The following WDR62 variants were observed in gnomAD, a reference collection of about 807,000 sequenced individuals.
WDR62 encodes the protein WD repeat domain 62, also known as WD repeat-containing protein 62.
In WDR62, 112 loss-of-function variants were observed where a neutral mutation model predicts 160.6. The observed-to-expected ratio is 0.70, with a 90% CI of 0.60 to 0.82. The LOEUF is 0.82. WDR62 is among the 40% of genes least tolerant of loss of function. WDR62 has a pLI of 0.00. For synonymous variants in WDR62, 792 were observed against 815.1 expected (o/e 0.97, Z 0.48); for missense variants, 1,819 against 1,983.8 (o/e 0.92, Z 1.58).
chr19:36,060,050 CG>C lies in WDR62; in HGVS notation c.332+24del, dbSNP rs1758979380. 23 of 1,613,994 alleles carry C rather than the reference CG, an allele frequency of 1.4e-5. No homozygotes were observed. The highest frequency in any genetic ancestry group is 1.9e-5 in the Non-Finnish European group (23 of 1,179,886). ...CGCCAGGTAGGCTGAGGCCTGGGCC[CG>C]GGGCAGGGGTGGAACCAGGGGCTTG... is the stretch of plus-strand genomic sequence containing the variant. On this transcript the variant is annotated intron_variant, in intron 3 of 31. Transcript: ENST00000401500.
Position 36,073,462 on chromosome 19 carries a change from C to T in WDR62, c.1164C>T (p.Val388=), listed in dbSNP as rs757185729. ...YKDHSIYIWD[V]KDINRVGKVW... ...ACCACAGCATCTACATCTGGGATGT[C>T]AAGGACATCAACAGAGTGGGCAAGG... Residue 388 remains valine (V), a synonymous_variant, in exon 9 of 32, where the codon GTC becomes GTT. Coordinates refer to ENST00000401500, the MANE Select transcript of WDR62 (RefSeq NM_001083961.2). 1 of 1,614,104 alleles carries T rather than the reference C, an allele frequency of 6.2e-7. No individual in the cohort carries two copies. Among genetic ancestry groups the T allele is most frequent in the East Asian group, 2.2e-5 (1 of 44,874 alleles).
intron 26 of WDR62, 113 bp downstream of exon 26, chr19:36,102,264 C>T: frequency 6.7e-7 from 1 of 1,496,398 alleles, no homozygotes; most frequent in Middle Eastern, 1.8e-4. Context: ...TGGAGAGCAA[C>T]TGCTTCGTTT....
chr19:36,087,619 C>A (rs913610930), intron 13 of WDR62, among the ~76,000 whole-genome samples: 9 of 151,336 alleles, frequency 5.9e-5, no homozygotes, highest in African/African-American at 1.9e-4. Context: ...GAGTTTAAGA[C>A]CAGCCTGGCC....
intron 23 of WDR62, 130 bp downstream of exon 23, chr19:36,101,005 C>A: frequency 6.9e-7 from 1 of 1,457,326 alleles, no homozygotes; most frequent in Non-Finnish European, 9.6e-7. Flanking sequence ...CTGGATGGGG[C>A]AGGAGCCCAG....
At chr19:36,099,221 CAAAAAAAAAAA>C (rs71167592) in intron 21 of WDR62, among the ~76,000 whole-genome samples, 167 bp from the exon 22 acceptor site, 1 of 76,318 alleles carries the variant, frequency 1.3e-5, no homozygotes, top group South Asian at 4.8e-4. Context: ...GACTTCGTCT[CAAAAAAAAAAA>C]AAAAAAAAAA....
rs1262044031 is a variant in WDR62 at position 36,104,657 on chromosome 19, C to T, written c.4293C>T (p.Ala1431=). The T allele has an allele frequency of 6.2e-7, 1 of 1,614,010 alleles. No homozygotes were observed. The highest frequency in any genetic ancestry group is 1.1e-5 in the South Asian group (1 of 91,088). ...LHRLQTTFQE[A]LDLYRVLVSS... ...GGCTGCAGACCACCTTCCAAGAAGC[C>T]CTCGACCTTTACCGTGTGGTGAGCT... Residue 1431 remains alanine, a synonymous_variant, in exon 31 of 32, where the codon GCC becomes GCT. Coordinates refer to ENST00000401500, the MANE Select transcript of WDR62 (RefSeq NM_001083961.2).
At chr19:36,067,686 A>T in intron 6 of WDR62, 142 bp from the exon 7 acceptor site, 1 of 1,085,164 alleles carries the variant, frequency 9.2e-7, no homozygotes, top group Non-Finnish European at 1.4e-6. Flanking sequence ...CTCTGTCCAG[A>T]GTGGCAGGGT....
At chr19:36,075,691 C>T (rs1191606795) in intron 9 of WDR62, among the ~76,000 whole-genome samples, 3 of 152,246 alleles carry the variant, frequency 2.0e-5, no homozygotes, top group African/African-American at 7.2e-5. Flanking sequence ...AGTGATCTGC[C>T]TGCCTCGGCC....
intron 3 of WDR62, chr19:36,061,331 C>T (rs1970634923): frequency 6.6e-6 from 1 of 152,134 alleles, no homozygotes; most frequent in Non-Finnish European, 1.5e-5. Context: ...CCTTGGTCTC[C>T]TCTGAAAATA....
chr19:36,076,973 G>T (rs965356843), intron 9 of WDR62, among the ~76,000 whole-genome samples: 1 of 151,882 alleles, frequency 6.6e-6, no homozygotes, highest in Admixed American at 6.6e-5. Context: ...GTATGTGTGT[G>T]TGTGTATATA....
intron 13 of WDR62, 128 bp from the exon 14 acceptor site, chr19:36,088,910 C>G: frequency 1.9e-6 from 2 of 1,061,048 alleles, no homozygotes; most frequent in Non-Finnish European, 2.8e-6. Context: ...CAGCACCCAC[C>G]TCACCACCTT....
At chr19:36,081,761 T>G in intron 10 of WDR62, 191 bp downstream of exon 10, 2 of 741,624 alleles carry the variant, frequency 2.7e-6, no homozygotes, top group Non-Finnish European at 4.7e-6. Flanking sequence ...CTCTCTGAGG[T>G]GGCACGCTCT....
rs917501625 is a variant in WDR62 at position 36,090,540 on chromosome 19, T to C, written c.2034+20T>C. The C allele has an allele frequency of 6.2e-7, 1 of 1,612,998 alleles. No homozygotes were observed. Among genetic ancestry groups the C allele is most frequent in the Non-Finnish European group, 8.5e-7 (1 of 1,179,044 alleles). Reference sequence around the variant, plus strand: ...CTGAAGGTGAGGAGTTGGAGACCCCTGTCTGTCTGCTGCCCTGATGGGCCA... The same window carrying C: ...CTGAAGGTGAGGAGTTGGAGACCCCCGTCTGTCTGCTGCCCTGATGGGCCA... On this transcript the variant is annotated intron_variant, in intron 16 of 31. Coordinates refer to ENST00000401500, the MANE Select transcript of WDR62 (RefSeq NM_001083961.2).
intron 3 of WDR62, chr19:36,060,447 A>AG (rs147014458): frequency 0.016 from 3,253 of 206,954 alleles, 104 homozygotes; most frequent in African/African-American, 0.07. Flanking sequence ...CGCTTCAGGC[A>AG]GGGGGCACAG....
At chr19:36,073,104 GA>G (rs1329869937) in intron 8 of WDR62, among the ~76,000 whole-genome samples, 1 of 152,166 alleles carries the variant, frequency 6.6e-6, no homozygotes, top group Non-Finnish European at 1.5e-5. Context: ...ATGTTCATAG[GA>G]ATCAAAAACT....
chr19:36,097,007 T>C lies in WDR62; in HGVS notation c.2468-20T>C. 6.2e-7 allele frequency: 1 copy of C among 1,607,078 alleles called. No homozygotes were observed. The highest frequency in any genetic ancestry group is 2.2e-5 in the East Asian group (1 of 44,622). ...TGTTGGGTTGTTTGTCCTCTTTTCA[T>C]GGATTCTGTGTCTTTCCAGATCCTC... On this transcript the variant is annotated intron_variant, in intron 20 of 31. Coordinates refer to ENST00000401500, the MANE Select transcript of WDR62 (RefSeq NM_001083961.2).
chr19:36,059,603 C>G (rs1970539929), intron 2 of WDR62, among the ~76,000 whole-genome samples: 1 of 152,090 alleles, frequency 6.6e-6, no homozygotes, highest in African/African-American at 2.4e-5. Flanking sequence ...CCACAGCCAG[C>G]TAATTTTTTT....
At chr19:36,111,054 C>A in the WDR62 span, 1 of 742,512 alleles carries the variant, frequency 1.3e-6, no homozygotes, top group Non-Finnish European at 2.1e-6. Context: ...CAGCTTAGTC[C>A]ACTCCCAGGG....
chr19:36,076,415 G>A (rs879360201), intron 9 of WDR62, among the ~76,000 whole-genome samples: 8 of 151,950 alleles, frequency 5.3e-5, no homozygotes, highest in Admixed American at 1.3e-4. Context: ...AAAATTAGCC[G>A]GGCATGGTGG....
Sources: gnomAD v4.1 joint callset for allele counts (sites outside exome capture counted in the v4.1 genomes callset) on GRCh38, gnomAD v4.1.1 for gene constraint, MANE v1.5 for transcripts, NCBI Gene and HGNC (gene_info 2026-07-23, HGNC 2026-07-21) for gene names.